DZIP1L: variants seen among roughly 807,000 people sequenced by gnomAD.
DZIP1L encodes the protein DAZ interacting zinc finger protein 1 like.
In DZIP1L, 90 loss-of-function variants were observed where a neutral mutation model predicts 88.7. The ratio of observed to expected loss-of-function variants is 1.02; its 90% CI spans 0.86 to 1.21. DZIP1L has a LOEUF of 1.21. Ranked by LOEUF, DZIP1L falls within the 50% of genes most tolerant of loss-of-function variation. DZIP1L has a pLI of 0.00. For missense variants in DZIP1L, 932 were observed against 955.8 expected (o/e 0.98, Z 0.33); for synonymous variants, 363 against 372.1 (o/e 0.98, Z 0.28).
rs771046905 is a variant in DZIP1L, at chr3:138,103,627, C to A, written c.345G>T (p.Leu115=). 6.2e-7 allele frequency: 1 copy of A among 1,606,608 alleles called. No individual in the cohort carries two copies. Among genetic ancestry groups the A allele is most frequent in the Non-Finnish European group, 8.5e-7 (1 of 1,179,092 alleles). ...SASVAQLEAR[L]QTSLGQQQRG... ...GCTGCTGCTGGCCCAGGCTGGTCTG[C>A]AGCCGTGCCTCCAGCTGGGCAACAC... Residue 115 remains leucine, a synonymous_variant, in exon 2 of 16, where the codon CTG becomes CTT. Coordinates refer to ENST00000327532, the MANE Select transcript of DZIP1L (RefSeq NM_173543.3).
chr3:138,078,765 G>C (rs1438080456), intron 10 of DZIP1L, among the ~76,000 whole-genome samples: 1 of 152,160 alleles, frequency 6.6e-6, no homozygotes. Context: ...TTTACACCAG[G>C]ACATGAGCCT....
At chr3:138,111,305 G>A (rs949243618) in intron 1 of DZIP1L, among the ~76,000 whole-genome samples, 2 of 152,106 alleles carry the variant, frequency 1.3e-5, no homozygotes, top group African/African-American at 2.4e-5. Flanking sequence ...TCCTTCATTC[G>A]GACTCATTGG....
At chr3:138,064,360 C>T (rs1408938329) in intron 15 of DZIP1L, 12 of 1,294,970 alleles carry the variant, frequency 9.3e-6, no homozygotes, top group Admixed American at 3.2e-5. Flanking sequence ...CGAAGCTCTC[C>T]GAGAGGCAGG....
At chr3:138,098,340 T>C (rs1192576176) in intron 2 of DZIP1L, among the ~76,000 whole-genome samples, 2 of 152,206 alleles carry the variant, frequency 1.3e-5, no homozygotes, top group African/African-American at 4.8e-5. Context: ...TTGTACATGT[T>C]TGAAATTTTC....
chr3:138,082,462 C>T (rs1172045725), intron 8 of DZIP1L, among the ~76,000 whole-genome samples: 1 of 152,202 alleles, frequency 6.6e-6, no homozygotes, highest in Non-Finnish European at 1.5e-5. Flanking sequence ...AGAAGCTGAT[C>T]TTCAGGGTAA....
chr3:138,067,605 C>T lies in DZIP1L; in HGVS notation c.1928G>A (p.Arg643Gln), dbSNP rs754376571. Residue 643 changes from arginine to glutamine, a missense_variant, in exon 14 of 16, where the codon CGG (arginine) becomes CAG (glutamine). Physicochemically the swap from Arg to Gln is conservative, Grantham distance 43 (BLOSUM62 1). Transcript: ENST00000327532. ...AGACCAGTCCCAGTCATCCTTGGGC[C>T]GGGGCACCATCCTGGAAGGAACTTT... ...PPKVPSRMVPRPKDDWDWSDT... is the reference protein window; with the variant it reads ...PPKVPSRMVPQPKDDWDWSDT... The T allele has an allele frequency of 1.2e-5, 19 of 1,611,640 alleles. No homozygotes were observed. The highest frequency in any genetic ancestry group is 3.3e-5 in the Admixed American group (2 of 59,738).
chr3:138,093,301 T>A (rs1336791508), intron 4 of DZIP1L, among the ~76,000 whole-genome samples: 1 of 152,240 alleles, frequency 6.6e-6, no homozygotes, highest in Non-Finnish European at 1.5e-5. Flanking sequence ...GAATCTTTTT[T>A]TTAGCAGTAG....
chr3:138,096,751 T>C (rs1944486377), intron 3 of DZIP1L, among the ~76,000 whole-genome samples: 2 of 152,160 alleles, frequency 1.3e-5, no homozygotes, highest in Non-Finnish European at 2.9e-5. Context: ...ACTAAATACA[T>C]AGTTTTAGGT....
At chr3:138,096,740 C>T (rs1206347095) in intron 3 of DZIP1L, among the ~76,000 whole-genome samples, 2 of 152,032 alleles carry the variant, frequency 1.3e-5, no homozygotes, top group Non-Finnish European at 1.5e-5. Flanking sequence ...ATTAGATATA[C>T]ACTAAATACA....
At chr3:138,095,701 G>A (rs987429411) in intron 3 of DZIP1L, among the ~76,000 whole-genome samples, 6 of 152,074 alleles carry the variant, frequency 3.9e-5, no homozygotes, top group Admixed American at 6.6e-5. Flanking sequence ...AGAATCGCTT[G>A]AACCCAGGAG....
At chr3:138,077,763 C>T (rs1559833108) in intron 10 of DZIP1L, 131 bp from the exon 11 acceptor site, 5 of 1,325,628 alleles carry the variant, frequency 3.8e-6, no homozygotes, top group Non-Finnish European at 5.1e-6. Flanking sequence ...GGAGATTGCA[C>T]TTGAGCCCTT....
At chr3:138,104,249 G>A (rs1290546163) in intron 1 of DZIP1L, among the ~76,000 whole-genome samples, 197 bp from the exon 2 acceptor site, 1 of 152,238 alleles carries the variant, frequency 6.6e-6, no homozygotes, top group African/African-American at 2.4e-5. Flanking sequence ...GGATTCGAAT[G>A]CTCTGCCTTG....
In DZIP1L at chr3:138,063,204, C is replaced by T. The variant is rs755182491; in HGVS notation, c.2143-227G>A. Among the ~76,000 whole-genome samples, 8 of 152,180 alleles carry T rather than the reference C, an allele frequency of 5.3e-5. No individual in the cohort carries two copies. Among genetic ancestry groups the T allele is most frequent in the Admixed American group, 1.3e-4 (2 of 15,280 alleles). On this transcript the variant is annotated intron_variant, in intron 15 of 15. Coordinates refer to ENST00000327532, the MANE Select transcript of DZIP1L (RefSeq NM_173543.3). This position sits in a 1 kb window ranked among gnomAD's most constrained non-coding sequence, Gnocchi z 4.1. Reference sequence around the variant, plus strand: ...GGTGATTTCAAATACCCCTGAAATTCTACTAACCAAACCCAGGCAAGTGCC... The same window carrying T: ...GGTGATTTCAAATACCCCTGAAATTTTACTAACCAAACCCAGGCAAGTGCC...
At chr3:138,103,133 T>C (rs1214387898) in intron 2 of DZIP1L, among the ~76,000 whole-genome samples, 1 of 148,872 alleles carries the variant, frequency 6.7e-6, no homozygotes, top group East Asian at 2.0e-4. Flanking sequence ...CACACACACA[T>C]TAAACACACA....
Position 138,083,059 on chromosome 3 carries a change from C to T in DZIP1L, c.1203+1054G>A, listed in dbSNP as rs371000534. Among the ~76,000 whole-genome samples, 24 of 152,320 alleles carry T rather than the reference C, an allele frequency of 1.6e-4. No homozygotes were observed. In the South Asian group the frequency reaches 4.8e-3, roughly 30 times the overall value. On this transcript the variant is annotated intron_variant, in intron 8 of 15. Coordinates refer to ENST00000327532, the MANE Select transcript of DZIP1L (RefSeq NM_173543.3). Reference sequence around the variant, plus strand: ...CTTGCTGTGAAAATAAAAATAATAGCCCCTAATAGACTATTCTGTTATCTT... The same window carrying T: ...CTTGCTGTGAAAATAAAAATAATAGTCCCTAATAGACTATTCTGTTATCTT...
chr3:138,084,135 A>T lies in DZIP1L; in HGVS notation c.1181T>A (p.Ile394Asn). Residue 394 changes from isoleucine (I) to asparagine (N), a missense_variant, in exon 8 of 16, where the codon ATC becomes AAC. Physicochemically the swap from Ile to Asn is moderately radical, Grantham distance 149 (BLOSUM62 -3). Transcript: ENST00000327532. The part of the protein sequence containing the change: ...LRAQLQEQAR[I>N]IASQEEMIQS... ...TACCATCTCCTCCTGGGAGGCAATG[A>T]TCCTAGCTTGTTCCTGCAGCTGGGC... is the stretch of plus-strand genomic sequence containing the variant. 6.2e-7 allele frequency: 1 copy of T among 1,614,078 alleles called. No individual in the cohort carries two copies. Among genetic ancestry groups the T allele is most frequent in the Non-Finnish European group, 8.5e-7 (1 of 1,179,962 alleles).
At position 138,063,610 on chromosome 3, in the gene DZIP1L, T is replaced by C. The variant is rs1424038954; in HGVS notation, c.2143-633A>G. ...CCCCTGCTGGCCACCTGGGCTTTGA[T>C]ACAAGCCATCCTATGCATCTTCTCC... On this transcript the variant is annotated intron_variant, in intron 15 of 15. Coordinates refer to ENST00000327532, the MANE Select transcript of DZIP1L (RefSeq NM_173543.3). This position sits in a 1 kb window ranked among gnomAD's most constrained non-coding sequence, Gnocchi z 4.1. Among the ~76,000 whole-genome samples the C allele has an allele frequency of 1.3e-5, 2 of 152,232 alleles. No individual in the cohort carries two copies. The highest frequency in any genetic ancestry group is 4.8e-5 in the African/African-American group (2 of 41,468).
intron 5 of DZIP1L, among the ~76,000 whole-genome samples, chr3:138,090,389 G>A (rs115720307): frequency 0.019 from 2,919 of 152,274 alleles, 100 homozygotes; most frequent in African/African-American, 0.067. Context: ...CTAGCACTGC[G>A]TCGGGGAAGT....
chr3:138,108,720 T>C (rs1350993113), intron 1 of DZIP1L, among the ~76,000 whole-genome samples: 16 of 152,164 alleles, frequency 1.1e-4, no homozygotes, highest in Admixed American at 1.0e-3. Context: ...TCCATACTGA[T>C]AATGCCAGGA....
Sources: gnomAD v4.1 joint callset for allele counts (sites outside exome capture counted in the v4.1 genomes callset) on GRCh38, gnomAD v4.1.1 for gene constraint, Gnocchi (gnomAD v3.1) non-coding constraint, MANE v1.5 for transcripts, NCBI Gene and HGNC (gene_info 2026-07-23, HGNC 2026-07-21) for gene names.